SLCO5A1: variants seen among roughly 807,000 people sequenced by gnomAD.
SLCO5A1 encodes organic anion transporter polypeptide-related protein 4.
A neutral mutation model predicts 65.1 loss-of-function variants in SLCO5A1; 39 were observed. That is an observed-to-expected ratio of 0.60 (90% CI 0.46 to 0.78). SLCO5A1 has a LOEUF of 0.78. Among genes scored for constraint, SLCO5A1 ranks in the 30% least tolerant of loss-of-function variants. SLCO5A1 has a pLI of 0.00. For missense variants in SLCO5A1, 1,029 were observed against 1,069.4 expected (o/e 0.96, Z 0.53); for synonymous variants, 438 against 415.7 (o/e 1.05, Z -0.65).
At chr8:69,738,266 C>G in intron 4 of SLCO5A1, 62 bp from the exon 5 acceptor site, 1 of 1,444,230 alleles carries the variant, frequency 6.9e-7, no homozygotes, top group Admixed American at 2.2e-5. Flanking sequence ...CAAAATAAAA[C>G]TGAATTGTTT....
intron 2 of SLCO5A1, among the ~76,000 whole-genome samples, chr8:69,805,847 C>T (rs1001106030): frequency 2.6e-5 from 4 of 152,106 alleles, no homozygotes; most frequent in Admixed American, 1.3e-4. Flanking sequence ...GTTTCCAAAT[C>T]GTGAAGGTGG....
intron 2 of SLCO5A1, among the ~76,000 whole-genome samples, chr8:69,797,718 T>C (rs1563730340): frequency 6.6e-6 from 1 of 152,192 alleles, no homozygotes; most frequent in Non-Finnish European, 1.5e-5. Flanking sequence ...ACAAGGAAAT[T>C]CCCACCTAAT....
Position 69,738,223 on chromosome 8 carries a change from G to A in SLCO5A1, c.1259-19C>T. The A allele has an allele frequency of 6.3e-7, 1 of 1,579,678 alleles. No individual in the cohort carries two copies. The highest frequency in any genetic ancestry group is 1.8e-5 in the Admixed American group (1 of 56,728). ...GGTAGGTCTACAAAATGACAAAAATGACAAATGAATGTTATAAACAATGGA... is the reference window on the plus strand; with the variant it reads ...GGTAGGTCTACAAAATGACAAAAATAACAAATGAATGTTATAAACAATGGA... On this transcript the variant is annotated intron_variant, in intron 4 of 9. Transcript: ENST00000260126.
intron 2 of SLCO5A1, among the ~76,000 whole-genome samples, chr8:69,767,809 G>C (rs1818125971): frequency 7.1e-6 from 1 of 139,932 alleles, no homozygotes; most frequent in Non-Finnish European, 1.5e-5. Context: ...AGAATCACTT[G>C]AACCCGAGAG....
intron 6 of SLCO5A1, among the ~76,000 whole-genome samples, chr8:69,686,428 C>G (rs960203572): frequency 6.6e-6 from 1 of 152,116 alleles, no homozygotes; most frequent in Non-Finnish European, 1.5e-5. Flanking sequence ...TATGCAACTT[C>G]AGGTTTATAA....
At chr8:69,805,914 T>A (rs1025132600) in intron 2 of SLCO5A1, among the ~76,000 whole-genome samples, 6 of 152,216 alleles carry the variant, frequency 3.9e-5, no homozygotes, top group Non-Finnish European at 7.3e-5. Context: ...TAAGCCATAG[T>A]CATTCCTTTG....
chr8:69,671,764 A>G lies in SLCO5A1; in HGVS notation c.*1105T>C, dbSNP rs1294603123. 6.6e-6 allele frequency: 1 copy of G among 152,218 alleles called. No homozygotes were observed. The highest frequency in any genetic ancestry group is 1.5e-5 in the Non-Finnish European group (1 of 68,026). 9.4% of individuals were successfully genotyped at this position (152,218 alleles called of 1,614,324 possible). On this transcript the variant is annotated 3_prime_UTR_variant, in exon 10 of 10. Coordinates refer to ENST00000260126, the MANE Select transcript of SLCO5A1 (RefSeq NM_030958.3). ...TAATTTTCAACAATTACTTAAGATC[A>G]TATTCTGTTCCAGAACACAGATCTC...
Position 69,706,922 on chromosome 8 carries a change from C to T in SLCO5A1, c.1424-1693G>A, listed in dbSNP as rs555616614. Among the ~76,000 whole-genome samples, 10 of 152,192 alleles carry T rather than the reference C, an allele frequency of 6.6e-5. No homozygotes were observed. In the East Asian group the frequency reaches 7.7e-4, roughly 12 times the overall value. On this transcript the variant is annotated intron_variant, in intron 5 of 9. Transcript: ENST00000260126. ...CAGCACTTTGGGAGGCCGAGGCTGG[C>T]GGATCAGTTGAGGTCAGGAGTTCGA...
In SLCO5A1 at chr8:69,750,100, G is replaced by A. The variant is rs1817225489; in HGVS notation, c.1258+5324C>T. On this transcript the variant is annotated intron_variant, in intron 4 of 9. Coordinates refer to ENST00000260126, the MANE Select transcript of SLCO5A1 (RefSeq NM_030958.3). ...CAATAAACAAGTGGGACTGAAAGGA[G>A]ATAAAGTCGAAGAGGTAACCAGGGG... is the stretch of plus-strand genomic sequence containing the variant. Among the ~76,000 whole-genome samples the A allele has an allele frequency of 2.6e-5, 4 of 152,344 alleles. No homozygotes were observed. In the South Asian group the frequency reaches 8.3e-4, roughly 32 times the overall value.
At chr8:69,755,761 A>G (rs935034552) in intron 3 of SLCO5A1, 120 bp from the exon 4 acceptor site, 7 of 778,754 alleles carry the variant, frequency 9.0e-6, no homozygotes, top group African/African-American at 1.8e-5. Context: ...AATCAACTGT[A>G]AAGCAGTAGG....
At chr8:69,792,474 C>T (rs577492416) in intron 2 of SLCO5A1, among the ~76,000 whole-genome samples, 11 of 152,116 alleles carry the variant, frequency 7.2e-5, no homozygotes, top group East Asian at 1.9e-4. Context: ...ATTTTGTCCT[C>T]GGCAATGGGG....
chr8:69,785,423 C>T (rs1028224461), intron 2 of SLCO5A1, among the ~76,000 whole-genome samples: 1 of 152,094 alleles, frequency 6.6e-6, no homozygotes, highest in Non-Finnish European at 1.5e-5. Flanking sequence ...TAATTATTGA[C>T]ATAAGTTATT....
At chr8:69,775,339 T>C (rs181678770) in intron 2 of SLCO5A1, among the ~76,000 whole-genome samples, 11 of 152,332 alleles carry the variant, frequency 7.2e-5, no homozygotes, top group African/African-American at 2.6e-4. Flanking sequence ...GCTTAATTAG[T>C]ATCTGGGGCA....
At chr8:69,683,333 T>C (rs772746743) in intron 6 of SLCO5A1, among the ~76,000 whole-genome samples, 19 of 152,138 alleles carry the variant, frequency 1.2e-4, no homozygotes, top group Admixed American at 2.6e-4. Context: ...CATCCAACCA[T>C]CCATTTTTCC....
chr8:69,823,145 C>T (rs535818343), intron 2 of SLCO5A1, among the ~76,000 whole-genome samples: 2 of 152,298 alleles, frequency 1.3e-5, no homozygotes, highest in South Asian at 4.1e-4. Flanking sequence ...CATTTTCTCT[C>T]TCTCCTTATA....
At chr8:69,784,922 G>GAAAGAAA (rs1563723107) in intron 2 of SLCO5A1, among the ~76,000 whole-genome samples, 1 of 122,664 alleles carries the variant, frequency 8.2e-6, no homozygotes, top group African/African-American at 3.3e-5. Context: ...AAGAAAGAAA[G>GAAAGAAA]AAAGAAAGAA....
chr8:69,796,284 A>G (rs1465389567), intron 2 of SLCO5A1, among the ~76,000 whole-genome samples: 1 of 151,918 alleles, frequency 6.6e-6, no homozygotes, highest in Non-Finnish European at 1.5e-5. Flanking sequence ...CAGGCTGGAA[A>G]TTTACCAAAC....
intron 2 of SLCO5A1, among the ~76,000 whole-genome samples, chr8:69,807,806 C>T (rs1441909581): frequency 6.6e-6 from 1 of 152,176 alleles, no homozygotes. Flanking sequence ...CGGGTTCATG[C>T]CATTCTCCTG....
chr8:69,757,949 C>G (rs1240956815), intron 3 of SLCO5A1, among the ~76,000 whole-genome samples: 1 of 152,108 alleles, frequency 6.6e-6, no homozygotes, highest in Non-Finnish European at 1.5e-5. Flanking sequence ...TCAGGCAGAC[C>G]TGGGTTTGTA....
Sources: gnomAD v4.1 joint callset for allele counts (sites outside exome capture counted in the v4.1 genomes callset) on GRCh38, gnomAD v4.1.1 for gene constraint, MANE v1.5 for transcripts, NCBI Gene and HGNC (gene_info 2026-07-23, HGNC 2026-07-21) for gene names.